The following RIT2 variants were observed in gnomAD, a reference collection of about 807,000 sequenced individuals.
The protein encoded by RIT2 is GTP-binding protein Rit2.
A neutral mutation model predicts 23.7 loss-of-function variants in RIT2; 24 were observed. The observed-to-expected ratio is 1.01, with a 90% CI of 0.73 to 1.43. RIT2 has a LOEUF of 1.43. RIT2 is among the 40% of genes most tolerant of loss of function. The pLI is 0.00. For synonymous variants in RIT2, 107 were observed against 91.1 expected (o/e 1.17, Z -0.99); for missense variants, 236 against 266.9 (o/e 0.88, Z 0.81).
At chr18:42,839,292 A>T (rs1448547645) in intron 4 of RIT2, among the ~76,000 whole-genome samples, 3 of 152,188 alleles carry the variant, frequency 2.0e-5, no homozygotes, top group East Asian at 1.9e-4. Flanking sequence ...GAATCAATAA[A>T]CATTAGAAGA....
intron 4 of RIT2, among the ~76,000 whole-genome samples, chr18:42,899,118 T>A (rs1373814129): frequency 6.6e-6 from 1 of 151,904 alleles, no homozygotes; most frequent in Non-Finnish European, 1.5e-5. Context: ...AGTTTTAGCA[T>A]CTATTGGTTA....
intron 4 of RIT2, among the ~76,000 whole-genome samples, chr18:42,870,940 T>C (rs1907607788): frequency 6.6e-6 from 1 of 152,184 alleles, no homozygotes; most frequent in South Asian, 2.1e-4. Flanking sequence ...ATATTTCACT[T>C]TTGGAGGTGA....
intron 2 of RIT2, among the ~76,000 whole-genome samples, chr18:43,001,390 C>T (rs1911104069): frequency 6.6e-6 from 1 of 151,778 alleles, no homozygotes; most frequent in Admixed American, 6.6e-5. Flanking sequence ...TATTTTAGCT[C>T]TATATAAGGA....
intron 4 of RIT2, among the ~76,000 whole-genome samples, chr18:42,790,750 CT>C (rs748735113): frequency 2.7e-4 from 41 of 152,170 alleles, no homozygotes; most frequent in Non-Finnish European, 5.3e-4. Flanking sequence ...TAATCTCTAA[CT>C]TAAAGTTTTT....
chr18:43,112,408 A>G (rs1297122084), intron 1 of RIT2, among the ~76,000 whole-genome samples: 1 of 152,230 alleles, frequency 6.6e-6, no homozygotes, highest in Non-Finnish European at 1.5e-5. Context: ...ATAAATGTTT[A>G]CGTCCTTCAT....
At chr18:42,989,329 C>T (rs2144225126) in intron 2 of RIT2, among the ~76,000 whole-genome samples, 1 of 152,200 alleles carries the variant, frequency 6.6e-6, no homozygotes, top group Non-Finnish European at 1.5e-5. Context: ...TTCTGTATTT[C>T]TAGTAAGCTA....
Position 42,743,698 on chromosome 18 carries a change from C to A in RIT2, c.449G>T (p.Ser150Ile). The change falls in exon 5 of 5, where the codon AGT (serine) becomes ATT (isoleucine). Residue 150 changes from serine to isoleucine, a missense_variant. By Grantham distance (142) the Ser-to-Ile change is moderately radical. Transcript: ENST00000326695. ...FRQVSTEEGL[S>I]LAQEYNCGFF... ...ACCACAATTATATTCTTGGGCAAGA[C>A]TCAAGCCTTCTTCTGTAGAAACCTA... 3.1e-6 allele frequency: 5 copies of A among 1,612,944 alleles called. No individual in the cohort carries two copies. The highest frequency in any genetic ancestry group is 4.2e-6 in the Non-Finnish European group (5 of 1,179,428).
chr18:42,836,875 ACT>A (rs1199353103), intron 4 of RIT2, among the ~76,000 whole-genome samples: 2 of 151,948 alleles, frequency 1.3e-5, no homozygotes, highest in Non-Finnish European at 2.9e-5. Context: ...CAATACAAAG[ACT>A]CTCGAGAATA....
intron 2 of RIT2, among the ~76,000 whole-genome samples, chr18:43,031,778 A>G (rs79415282): frequency 0.033 from 5,082 of 152,168 alleles, 159 homozygotes; most frequent in East Asian, 0.15. Context: ...CAGTAGGGTA[A>G]CAAACAGATC....
Position 43,039,534 on chromosome 18 carries a change from G to A in RIT2, c.104-5667C>T, listed in dbSNP as rs559064929. 3.3e-5 allele frequency among the ~76,000 whole-genome samples: 5 copies of A among 151,986 alleles called. No individual in the cohort carries two copies. The East Asian group carries it at 9.7e-4, about 30-fold the overall frequency. On this transcript the variant is annotated intron_variant, in intron 1 of 4. Coordinates refer to ENST00000326695, the MANE Select transcript of RIT2 (RefSeq NM_002930.4). ...CGACTAATTTTGTATTTTTAATAGAGACAGGGTTTCTCCGTGTTGGTCAGG... is the reference window on the plus strand; with the variant it reads ...CGACTAATTTTGTATTTTTAATAGAAACAGGGTTTCTCCGTGTTGGTCAGG...
intron 4 of RIT2, among the ~76,000 whole-genome samples, chr18:42,777,947 C>T (rs533816344): frequency 1.3e-5 from 2 of 152,282 alleles, no homozygotes; most frequent in South Asian, 2.1e-4. Flanking sequence ...GTAAAGAACA[C>T]TTGCAACATA....
chr18:42,924,423 T>C (rs771484163), intron 3 of RIT2, among the ~76,000 whole-genome samples: 1 of 152,042 alleles, frequency 6.6e-6, no homozygotes, highest in Non-Finnish European at 1.5e-5. Flanking sequence ...AGTTTCTACA[T>C]TCTGCTGACT....
rs571461197 is a variant in RIT2 at position 42,885,550 on chromosome 18, C to T, written c.426+38022G>A. Reference sequence around the variant, plus strand: ...GCAGTGAGCCGAGATCGTGCCTCTGCGCTCCAGCCTGGGTGACAGAGCGAG... The same window carrying T: ...GCAGTGAGCCGAGATCGTGCCTCTGTGCTCCAGCCTGGGTGACAGAGCGAG... On this transcript the variant is annotated intron_variant, in intron 4 of 4. Coordinates refer to ENST00000326695, the MANE Select transcript of RIT2 (RefSeq NM_002930.4). 2.4e-3 allele frequency among the ~76,000 whole-genome samples: 369 copies of T among 152,138 alleles called. 2 individuals are homozygous for T. The highest frequency in any genetic ancestry group is 3.6e-3 in the Non-Finnish European group (246 of 68,024).
chr18:43,101,055 G>A (rs1027254461), intron 1 of RIT2, among the ~76,000 whole-genome samples: 47 of 151,018 alleles, frequency 3.1e-4, no homozygotes, highest in African/African-American at 1.1e-3. Flanking sequence ...GTATGTGTGT[G>A]TATATATATA....
intron 1 of RIT2, among the ~76,000 whole-genome samples, chr18:43,046,457 T>C (rs911248216): frequency 1.3e-5 from 2 of 152,172 alleles, no homozygotes; most frequent in African/African-American, 2.4e-5. Context: ...ACAGTAAACA[T>C]GCTTCGGCTC....
At chr18:43,071,131 C>G (rs1912887315) in intron 1 of RIT2, among the ~76,000 whole-genome samples, 1 of 152,158 alleles carries the variant, frequency 6.6e-6, no homozygotes, top group African/African-American at 2.4e-5. Context: ...TCTGTTGCAT[C>G]TATAAGCAAG....
chr18:43,105,497 A>AGGAAGAGAGGAAGGGAGGAAGAGAGG (rs72193332), intron 1 of RIT2, among the ~76,000 whole-genome samples: 7 of 90,820 alleles, frequency 7.7e-5, no homozygotes, highest in African/African-American at 3.2e-4. Context: ...AGGGAGGAAG[A>AGGAAGAGAGGAAGGGAGGAAGAGAGG]AAGGGAGGGA....
rs1568008832 is a variant in RIT2, at chr18:42,837,153, C to CTTTTCTTTTTTT, written c.426+86418_426+86419insAAAAAAAGAAAA. On this transcript the variant is annotated intron_variant, in intron 4 of 4. Coordinates refer to ENST00000326695, the MANE Select transcript of RIT2 (RefSeq NM_002930.4). ...TAAAAATTTCTTTTTTTTTCTTTTT[C>CTTTTCTTTTTTT]TTTTTTTTTTTTTTTTTTTTTTTTT... is the stretch of plus-strand genomic sequence containing the variant. Among the ~76,000 whole-genome samples the CTTTTCTTTTTTT allele has an allele frequency of 1.3e-3, 65 of 51,634 alleles. 1 individual carries two copies. The highest frequency in any genetic ancestry group is 0.028 in the Middle Eastern group (1 of 36). 33.9% of individuals were successfully genotyped at this position (51,634 alleles called of 152,430 possible).
chr18:43,046,602 A>G (rs781727395), intron 1 of RIT2, among the ~76,000 whole-genome samples: 9 of 152,194 alleles, frequency 5.9e-5, no homozygotes, highest in African/African-American at 2.2e-4. Context: ...GGTCTTCCAC[A>G]GTCAACATTT....
Sources: allele counts gnomAD v4.1 joint callset (sites outside exome capture counted in the v4.1 genomes callset), GRCh38; gene constraint gnomAD v4.1.1; transcripts MANE v1.5; gene names NCBI Gene and HGNC (gene_info 2026-07-23, HGNC 2026-07-21).